Variants in PEG3 observed in about 807,000 individuals in gnomAD.
PEG3 encodes paternally expressed 3.
Under a neutral mutation model 35.5 loss-of-function variants are expected in PEG3, and 23 were observed. The ratio of observed to expected loss-of-function variants is 0.65; its 90% CI spans 0.47 to 0.92. The LOEUF is 0.92. PEG3 is among the 40% of genes least tolerant of loss of function. The probability of loss-of-function intolerance (pLI) is 0.00; values close to 1 mark genes in which losing one functional copy is unlikely to be tolerated. For missense variants in PEG3, 1,960 were observed against 1,985.3 expected (o/e 0.99, Z 0.24); for synonymous variants, 707 against 697.0 (o/e 1.01, Z -0.23).
Position 56,815,739 on chromosome 19 carries a change from A to G in PEG3, c.2703T>C (p.Arg901=). ...CAGGAACACTTTTCTGAGGTTTGGC[A>G]CGGAATACACTCTGTATGACAGAGT... ...YEDSVIQSVF[R]AKPQKSVPGE... is the part of the protein sequence containing the mutation. Residue 901 remains arginine, a synonymous_variant, in exon 10 of 10, where the codon CGT becomes CGC. Transcript: ENST00000326441. 1 of 1,614,174 alleles carries G rather than the reference A, an allele frequency of 6.2e-7. No homozygotes were observed. The highest frequency in any genetic ancestry group is 8.5e-7 in the Non-Finnish European group (1 of 1,180,014).
intron 8 of PEG3, among the ~76,000 whole-genome samples, 183 bp downstream of exon 8, chr19:56,818,417 G>A (rs563493130): frequency 1.3e-5 from 2 of 152,210 alleles, no homozygotes; most frequent in East Asian, 3.9e-4. Flanking sequence ...CAAAGCCAGA[G>A]GCATTTCTTA....
At position 56,811,195 on chromosome 19, in the gene PEG3, A is replaced by C; in HGVS notation, c.*2480T>G. On this transcript the variant is annotated 3_prime_UTR_variant, in exon 10 of 10. Transcript: ENST00000326441. Reference sequence around the variant, plus strand: ...ATGTGATCATAAACTTTTTAGTAACACTACCATAAAGAACATTCAAGAAAT... The same window carrying C: ...ATGTGATCATAAACTTTTTAGTAACCCTACCATAAAGAACATTCAAGAAAT... 1.0e-6 allele frequency: 1 copy of C among 972,760 alleles called. No individual in the cohort carries two copies. The highest frequency in any genetic ancestry group is 1.2e-6 in the Non-Finnish European group (1 of 818,426). The allele number at this position is 972,760 out of a possible 1,614,324, so 60.3% of individuals were successfully genotyped here. A position where few individuals can be genotyped will look rare whatever the true frequency, so the allele number is the denominator to read the frequency against.
At chr19:56,822,952 G>A in intron 5 of PEG3, 116 bp from the exon 6 acceptor site, 1 of 1,369,428 alleles carries the variant, frequency 7.3e-7, no homozygotes, top group East Asian at 2.5e-5. Context: ...CAAGGAGATG[G>A]ATCCAAAACA....
chr19:56,835,913 G>A (rs1458696870), intron 2 of PEG3, 105 bp downstream of exon 2: 1 of 434,052 alleles, frequency 2.3e-6, no homozygotes, highest in Non-Finnish European at 4.7e-6. Context: ...ATGGTGCTGG[G>A]GTGGCTATGT....
rs2059898393 is a variant in PEG3, at chr19:56,815,499, G to A, written c.2943C>T (p.Ser981=). 1 of 1,614,126 alleles carries A rather than the reference G, an allele frequency of 6.2e-7. No individual in the cohort carries two copies. Among genetic ancestry groups the A allele is most frequent in the Non-Finnish European group, 8.5e-7 (1 of 1,180,014 alleles). Residue 981 remains serine (S), a synonymous_variant, in exon 10 of 10, where the codon AGC becomes AGT. Transcript: ENST00000326441. ...TCTTCTGGTGCTCAGTGAGGTCAGA[G>A]CTATGAGCAAAGCACTCCCCACACT... The part of the protein sequence containing the change: ...CQECGECFAH[S]SDLTEHQKIH...
Position 56,812,260 on chromosome 19 carries a change from G to C in PEG3, c.*1415C>G. ...AATAGGACACAAGAAACCTCAAGCT[G>C]TGAGGTCAATTTGTAATTAAAAGAA... is the stretch of plus-strand genomic sequence containing the variant. On this transcript the variant is annotated 3_prime_UTR_variant, in exon 10 of 10. Coordinates refer to ENST00000326441, the MANE Select transcript of PEG3 (RefSeq NM_006210.3). The C allele has an allele frequency of 1.0e-5, 10 of 972,300 alleles. No homozygotes were observed. The highest frequency in any genetic ancestry group is 1.2e-5 in the Non-Finnish European group (10 of 818,066). The allele number at this position is 972,300 out of a possible 1,614,324, so 60.2% of individuals were successfully genotyped here.
In PEG3 at chr19:56,824,519, T is replaced by C. The variant is rs756017383; in HGVS notation, c.137A>G (p.His46Arg). 14 of 1,614,018 alleles carry C rather than the reference T, an allele frequency of 8.7e-6. 1 individual carries two copies. The South Asian group carries it at 1.3e-4, about 15-fold the overall frequency. The change falls in exon 4 of 10, where the codon CAT becomes CGT. Residue 46 changes from histidine (H) to arginine (R), a missense_variant. Around this residue, in one of 5 missense-constraint regions of PEG3, gnomAD observed 613 missense variants for 577.1 expected, o/e 1.06. Transcript: ENST00000326441. ...ATAGATTAGGTTCCGAAACCTCTGA[T>C]GAAAAAACTCAGAGTCAGTTGGACC... ...GEGPTDSEFF[H>R]QRFRNLIYVE... is the part of the protein sequence containing the mutation.
chr19:56,815,507 C>A lies in PEG3; in HGVS notation c.2935G>T (p.Ala979Ser), dbSNP rs1189614029. Residue 979 changes from alanine to serine, a missense_variant, in exon 10 of 10, where the codon GCT becomes TCT. Physicochemically the swap from Ala to Ser is moderately conservative, Grantham distance 99. This residue lies in a region of PEG3 where 798 missense variants were observed against 782.4 expected (regional missense o/e 1.02). Coordinates refer to ENST00000326441, the MANE Select transcript of PEG3 (RefSeq NM_006210.3). Reference protein sequence around the residue: ...YECQECGECFAHSSDLTEHQK... With the variant: ...YECQECGECFSHSSDLTEHQK... Reference sequence around the variant, plus strand: ...TGCTCAGTGAGGTCAGAGCTATGAGCAAAGCACTCCCCACACTCCTGACAT... The same window carrying A: ...TGCTCAGTGAGGTCAGAGCTATGAGAAAAGCACTCCCCACACTCCTGACAT... 1 of 1,613,978 alleles carries A rather than the reference C, an allele frequency of 6.2e-7. No individual in the cohort carries two copies. Among genetic ancestry groups the A allele is most frequent in the Non-Finnish European group, 8.5e-7 (1 of 1,179,998 alleles).
intron 2 of PEG3, among the ~76,000 whole-genome samples, chr19:56,832,359 C>T (rs891132844): frequency 4.6e-5 from 7 of 152,070 alleles, no homozygotes; most frequent in African/African-American, 7.3e-5. Flanking sequence ...CTGTACCTCC[C>T]CTCTCCAGTG....
chr19:56,840,373 C>T (rs907879666), intron 1 of PEG3, among the ~76,000 whole-genome samples: 1 of 152,222 alleles, frequency 6.6e-6, no homozygotes, highest in East Asian at 1.9e-4. Context: ...AAGGCACCAA[C>T]CATCCACAGC....
rs201258328 is a variant in PEG3, at chr19:56,824,477, G to A, written c.179C>T (p.Pro60Leu). Residue 60 changes from proline to leucine, a missense_variant, in exon 4 of 10, where the codon CCT becomes CTT. By Grantham distance (98) the Pro-to-Leu change is moderately conservative. Coordinates refer to ENST00000326441, the MANE Select transcript of PEG3 (RefSeq NM_006210.3). ...TCGGAGTTTGATCAGGGTCTTCCGA[G>A]GCCCAACAAATTCCACATAGATTAG... ...RNLIYVEFVG[P>L]RKTLIKLRNL... 25 of 1,613,904 alleles carry A rather than the reference G, an allele frequency of 1.5e-5. No homozygotes were observed. The highest frequency in any genetic ancestry group is 3.3e-4 in the Middle Eastern group (2 of 6,080).
Position 56,813,176 on chromosome 19 carries a change from C to G in PEG3, c.*499G>C. 1 of 974,812 alleles carries G rather than the reference C, an allele frequency of 1.0e-6. No individual in the cohort carries two copies. The highest frequency in any genetic ancestry group is 1.2e-6 in the Non-Finnish European group (1 of 823,756). The allele number at this position is 974,812 out of a possible 1,614,324, so 60.4% of individuals were successfully genotyped here. A position where few individuals can be genotyped will look rare whatever the true frequency, so the allele number is the denominator to read the frequency against. On this transcript the variant is annotated 3_prime_UTR_variant, in exon 10 of 10. Coordinates refer to ENST00000326441, the MANE Select transcript of PEG3 (RefSeq NM_006210.3). Reference sequence around the variant, plus strand: ...GATCTAAGACACTTAAAAATATAATCAAATTTGTTGCTCTCTTCCTCCTCC... The same window carrying G: ...GATCTAAGACACTTAAAAATATAATGAAATTTGTTGCTCTCTTCCTCCTCC...
chr19:56,823,830 T>C, intron 4 of PEG3, 151 bp from the exon 5 acceptor site: 1 of 931,444 alleles, frequency 1.1e-6, no homozygotes, highest in Non-Finnish European at 1.7e-6. Flanking sequence ...CTTCAGCGGC[T>C]TCCAACCACT....
Position 56,816,602 on chromosome 19 carries a change from G to C in PEG3, c.1840C>G (p.Leu614Val), listed in dbSNP as rs2059999441. 2 of 1,613,894 alleles carry C rather than the reference G, an allele frequency of 1.2e-6. No homozygotes were observed. The highest frequency in any genetic ancestry group is 4.5e-5 in the East Asian group (2 of 44,876). The change falls in exon 10 of 10, where the codon CTT becomes GTT. Residue 614 changes from leucine (L) to valine (V), a missense_variant. By Grantham distance (32) the Leu-to-Val change is conservative. This residue lies in a region of PEG3 where 798 missense variants were observed against 782.4 expected (regional missense o/e 1.02). Coordinates refer to ENST00000326441, the MANE Select transcript of PEG3 (RefSeq NM_006210.3). ...RGETFRPSPA[L>V]NEFQKMYGKE... ...CCATACATTTTCTGAAACTCATTAA[G>C]GGCTGGGCTGGGCCTAAAGGTTTCC...
In PEG3 at chr19:56,816,614, G is replaced by T; in HGVS notation, c.1828C>A (p.Pro610Thr). Residue 610 changes from proline to threonine, a missense_variant, in exon 10 of 10, where the codon CCC becomes ACC. Transcript: ENST00000326441. ...RERERGETFR[P>T]SPALNEFQKM... ...TGAAACTCATTAAGGGCTGGGCTGG[G>T]CCTAAAGGTTTCCCCGCGCTCACGT... is the stretch of plus-strand genomic sequence containing the variant. The T allele has an allele frequency of 6.2e-7, 1 of 1,613,846 alleles. No homozygotes were observed. Among genetic ancestry groups the T allele is most frequent in the Non-Finnish European group, 8.5e-7 (1 of 1,179,876 alleles).
In PEG3 at chr19:56,824,331, T is replaced by C. The variant is rs774831387; in HGVS notation, c.325A>G (p.Lys109Glu). 18 of 1,613,988 alleles carry C rather than the reference T, an allele frequency of 1.1e-5. No homozygotes were observed. The highest frequency in any genetic ancestry group is 1.0e-4 in the Admixed American group (6 of 60,002). Residue 109 changes from lysine (K) to glutamate (E), a missense_variant, in exon 4 of 10, where the codon AAA (lysine) becomes GAA (glutamate). Coordinates refer to ENST00000326441, the MANE Select transcript of PEG3 (RefSeq NM_006210.3). The stretch of plus-strand genomic sequence containing the variant: ...AGCTTCTCACAGTTCTCCGGCTTTT[T>C]TGCTCGCACCCAAGGCTTGAGCTTT... ...PEKLKPWVRA[K>E]KPENCEKLVT...
Position 56,811,131 on chromosome 19 carries a change from AGT to A in PEG3, c.*2542_*2543del, listed in dbSNP as rs1217949032. On this transcript the variant is annotated 3_prime_UTR_variant, in exon 10 of 10. Transcript: ENST00000326441. ...TTCCTCCACTTTTCTGTATTTTCCAAGTGTGTGATAATGAGTTCAAATTATGT... is the reference window on the plus strand; with the variant it reads ...TTCCTCCACTTTTCTGTATTTTCCAAGTGTGATAATGAGTTCAAATTATGT... The A allele has an allele frequency of 4.1e-6, 4 of 983,420 alleles. No individual in the cohort carries two copies. The African/African-American group carries it at 7.0e-5, about 17-fold the overall frequency. The allele number at this position is 983,420 out of a possible 1,614,324, so 60.9% of individuals were successfully genotyped here.
chr19:56,839,834 G>C (rs1326811767), intron 1 of PEG3, among the ~76,000 whole-genome samples: 1 of 150,624 alleles, frequency 6.6e-6, no homozygotes, highest in Non-Finnish European at 1.5e-5. Context: ...TGGGGCTTGA[G>C]CAGACGATTA....
At position 56,814,577 on chromosome 19, in the gene PEG3, C is replaced by G. The variant is rs957015459; in HGVS notation, c.3865G>C (p.Glu1289Gln). 7 of 1,613,822 alleles carry G rather than the reference C, an allele frequency of 4.3e-6. No individual in the cohort carries two copies. Among genetic ancestry groups the G allele is most frequent in the South Asian group, 2.2e-5 (2 of 91,048 alleles). ...AGTTCTGCTGGGTTGACGAAAGATT[C>G]TCCACAGACTGCACATTCAAAGAGT... Reference protein sequence around the residue: ...ERLFECAVCGESFVNPAELAD... With the variant: ...ERLFECAVCGQSFVNPAELAD... Residue 1289 changes from glutamate (E) to glutamine (Q), a missense_variant, in exon 10 of 10, where the codon GAA becomes CAA. Coordinates refer to ENST00000326441, the MANE Select transcript of PEG3 (RefSeq NM_006210.3). The surrounding 1 kb of genome is among the most constrained non-coding windows in gnomAD (Gnocchi z 5.8).
Sources: gnomAD v4.1 joint callset for allele counts (sites outside exome capture counted in the v4.1 genomes callset) on GRCh38, gnomAD v4.1.1 for gene constraint, gnomAD v4.1.1 regional missense constraint, Gnocchi (gnomAD v3.1) non-coding constraint, MANE v1.5 for transcripts, NCBI Gene and HGNC (gene_info 2026-07-23, HGNC 2026-07-21) for gene names.